Variants in ZFP64 observed in about 807,000 individuals in gnomAD.
ZFP64 encodes zinc finger protein 64.
ZFP64 carries 14 observed loss-of-function variants against 51.6 expected under a neutral mutation model. The observed-to-expected ratio is 0.27, with a 90% CI of 0.18 to 0.42. The LOEUF is 0.42. Among genes scored for constraint, ZFP64 ranks in the 10% least tolerant of loss-of-function variants. ZFP64 has a pLI of 1.00. For missense variants in ZFP64, 754 were observed against 906.8 expected, an observed-to-expected ratio of 0.83 and a Z score of 2.16; for synonymous variants, 375 against 361.4, an observed-to-expected ratio of 1.04 and a Z score of -0.43.
rs1980840202 is a variant in ZFP64, at chr20:52,151,994, G to A, written c.*152C>T. 4.3e-6 allele frequency: 6 copies of A among 1,409,100 alleles called. No individual in the cohort carries two copies. The highest frequency in any genetic ancestry group is 1.4e-5 in the African/African-American group (1 of 69,100). The allele number at this position is 1,409,100 out of a possible 1,614,324, so 87.3% of individuals were successfully genotyped here. ...GGACGTTGCAGTGAGCCAAGATAGCGCCACTGCACTCCAGCCTGGGAAACA... is the reference window on the plus strand; with the variant it reads ...GGACGTTGCAGTGAGCCAAGATAGCACCACTGCACTCCAGCCTGGGAAACA... On this transcript the variant is annotated 3_prime_UTR_variant, in exon 6 of 6. Coordinates refer to ENST00000216923, the MANE Select transcript of ZFP64 (RefSeq NM_018197.3).
chr20:52,173,448 T>C (rs927840621), intron 2 of ZFP64, among the ~76,000 whole-genome samples: 1 of 151,886 alleles, frequency 6.6e-6, no homozygotes, highest in African/African-American at 2.4e-5. Flanking sequence ...AATAGCTGGG[T>C]GTGATGCTGT....
At position 52,152,060 on chromosome 20, in the gene ZFP64, A is replaced by C; in HGVS notation, c.*86T>G. The C allele has an allele frequency of 1.3e-6, 2 of 1,498,028 alleles. No homozygotes were observed. The highest frequency in any genetic ancestry group is 2.1e-4 in the Middle Eastern group (1 of 4,678). The allele number at this position is 1,498,028 out of a possible 1,614,324, so 92.8% of individuals were successfully genotyped here. A position where few individuals can be genotyped will look rare whatever the true frequency, so the allele number is the denominator to read the frequency against. On this transcript the variant is annotated 3_prime_UTR_variant, in exon 6 of 6. Coordinates refer to ENST00000216923, the MANE Select transcript of ZFP64 (RefSeq NM_018197.3). ...TCAAAAACAAAACAAAACAAAGAAAACATTAAGAGCAAACCTTTTAGAGAA... is the reference window on the plus strand; with the variant it reads ...TCAAAAACAAAACAAAACAAAGAAACCATTAAGAGCAAACCTTTTAGAGAA...
At chr20:52,174,605 C>T (rs1400211666) in intron 2 of ZFP64, among the ~76,000 whole-genome samples, 1 of 151,486 alleles carries the variant, frequency 6.6e-6, no homozygotes, top group Non-Finnish European at 1.5e-5. Flanking sequence ...ATCATGTTGT[C>T]ATTCATCGAA....
chr20:52,117,640 CA>C (rs1165180570), intron 5 of ZFP64: 2 of 456,368 alleles, frequency 4.4e-6, no homozygotes, highest in Non-Finnish European at 8.8e-6. Flanking sequence ...AAACAAAACA[CA>C]AAAAAGAAGA....
intron 8 of ZFP64, among the ~76,000 whole-genome samples, chr20:52,087,369 A>C (rs1446256055): frequency 6.6e-6 from 1 of 152,076 alleles, no homozygotes; most frequent in Non-Finnish European, 1.5e-5. Flanking sequence ...TTTTTCCCGT[A>C]ATCTCTGGGA....
chr20:52,103,534 G>T (rs1600707998), intron 5 of ZFP64, among the ~76,000 whole-genome samples: 1 of 152,308 alleles, frequency 6.6e-6, no homozygotes, highest in East Asian at 1.9e-4. Context: ...CCCTCCCCAT[G>T]CCCGAAACAC....
At chr20:52,104,343 A>T (rs1367766785) in intron 5 of ZFP64, among the ~76,000 whole-genome samples, 2 of 152,172 alleles carry the variant, frequency 1.3e-5, no homozygotes, top group Admixed American at 1.3e-4. Flanking sequence ...GGGACGAGAA[A>T]TGCTGCCCGG....
At chr20:52,189,964 G>A (rs1984257503) in intron 1 of ZFP64, among the ~76,000 whole-genome samples, 1 of 152,074 alleles carries the variant, frequency 6.6e-6, no homozygotes. Flanking sequence ...GTGCATATAT[G>A]GTTAGATAAA....
chr20:52,102,147 T>C (rs1403976987), intron 5 of ZFP64, among the ~76,000 whole-genome samples: 1 of 129,592 alleles, frequency 7.7e-6, no homozygotes, highest in Non-Finnish European at 1.7e-5. Context: ...CAGGCCCTAC[T>C]CCAGACTTAC....
chr20:52,098,276 G>C (rs1172640727), intron 6 of ZFP64, among the ~76,000 whole-genome samples: 1 of 152,104 alleles, frequency 6.6e-6, no homozygotes, highest in African/African-American at 2.4e-5. Context: ...GATGCTACAG[G>C]CCTCTTAGGC....
Position 52,165,970 on chromosome 20 carries a change from T to C in ZFP64, c.342A>G (p.Glu114=). ...EHGYQTYLPT[E]SNENQTATVI... The stretch of plus-strand genomic sequence containing the variant: ...CAGTGGCTGTCTGGTTTTCATTACT[T>C]TCCGTGGGCAGGTAAGTTTGATAGC... Residue 114 remains glutamate, a synonymous_variant, in exon 3 of 6, where the codon GAA becomes GAG. Transcript: ENST00000216923. The C allele has an allele frequency of 1.2e-6, 2 of 1,614,056 alleles. No individual in the cohort carries two copies. The highest frequency in any genetic ancestry group is 1.1e-5 in the South Asian group (1 of 91,026).
intron 5 of ZFP64, among the ~76,000 whole-genome samples, chr20:52,125,820 C>T (rs1320496798): frequency 6.6e-6 from 1 of 152,170 alleles, no homozygotes; most frequent in Admixed American, 6.5e-5. Flanking sequence ...AGAGCTGCCA[C>T]TGAATATGGC....
intron 4 of ZFP64, among the ~76,000 whole-genome samples, chr20:52,164,285 A>G (rs1982062544): frequency 6.6e-6 from 1 of 152,264 alleles, no homozygotes; most frequent in South Asian, 2.1e-4. Flanking sequence ...AAAATATAAA[A>G]GAAAAAGACA....
At chr20:52,161,955 T>C (rs2123009748) in intron 4 of ZFP64, among the ~76,000 whole-genome samples, 1 of 152,334 alleles carries the variant, frequency 6.6e-6, no homozygotes, top group East Asian at 1.9e-4. Context: ...ATCACTGTCG[T>C]CATAAATAAA....
At chr20:52,188,022 GAA>G (rs909211163) in intron 1 of ZFP64, among the ~76,000 whole-genome samples, 1 of 152,120 alleles carries the variant, frequency 6.6e-6, no homozygotes, top group African/African-American at 2.4e-5. Context: ...GAGTTTCTGG[GAA>G]AAGTTTGGCA....
chr20:52,087,907 T>A (rs1413596138), intron 8 of ZFP64, among the ~76,000 whole-genome samples: 1 of 152,226 alleles, frequency 6.6e-6, no homozygotes, highest in Non-Finnish European at 1.5e-5. Flanking sequence ...AATTTTCAAC[T>A]TATGAGCATC....
At chr20:52,088,524 C>T (rs1208333518) in exon 8 of ZFP64, 25 of 1,614,056 alleles carry the variant, frequency 1.5e-5, no homozygotes, top group East Asian at 2.2e-5. Flanking sequence ...TCCACGGCAG[C>T]GTAGTCACAC....
intron 1 of ZFP64, among the ~76,000 whole-genome samples, chr20:52,189,476 T>A (rs1984217705): frequency 6.6e-6 from 1 of 151,908 alleles, no homozygotes; most frequent in African/African-American, 2.4e-5. Flanking sequence ...TTCCTAATTT[T>A]TTTCCTTTTT....
At chr20:52,133,342 G>C (rs1446754414) in intron 5 of ZFP64, among the ~76,000 whole-genome samples, 1 of 152,150 alleles carries the variant, frequency 6.6e-6, no homozygotes, top group Admixed American at 6.5e-5. Flanking sequence ...CATAGCACTG[G>C]AAGTCCTAGC....
Sources: gnomAD v4.1 joint callset for allele counts (sites outside exome capture counted in the v4.1 genomes callset) on GRCh38, gnomAD v4.1.1 for gene constraint, MANE v1.5 for transcripts, NCBI Gene and HGNC (gene_info 2026-07-23, HGNC 2026-07-21) for gene names.